Variants in LOC122539214 observed in about 807,000 individuals in gnomAD.
At chr19:52,660,046 C>T in the LOC122539214 span, among the ~76,000 whole-genome samples, 3 of 151,868 alleles carry the variant, frequency 2.0e-5, no homozygotes, top group East Asian at 1.9e-4. Context: ...AAAAAATTAG[C>T]GGGGTGTGGT....
the LOC122539214 span, chr19:52,650,643 A>T: frequency 2.0e-5 from 3 of 152,180 alleles, no homozygotes; most frequent in African/African-American, 7.2e-5. Flanking sequence ...TATTAGAAGA[A>T]CTTCAAGTTT....
chr19:52,676,111 C>T, the LOC122539214 span, among the ~76,000 whole-genome samples: 5 of 152,170 alleles, frequency 3.3e-5, no homozygotes, highest in Non-Finnish European at 7.3e-5. Context: ...CTGCTGAGTG[C>T]CTGCAATTGC....
At chr19:52,674,597 C>T in the LOC122539214 span, among the ~76,000 whole-genome samples, 1 of 152,002 alleles carries the variant, frequency 6.6e-6, no homozygotes, top group Non-Finnish European at 1.5e-5. Flanking sequence ...ATATTAGCAC[C>T]AAAATTAGTT....
At chr19:52,664,690 C>T in the LOC122539214 span, among the ~76,000 whole-genome samples, 1 of 133,150 alleles carries the variant, frequency 7.5e-6, no homozygotes, top group South Asian at 2.3e-4. Context: ...GGAAGGGATG[C>T]AGATTAAGTG....
the LOC122539214 span, among the ~76,000 whole-genome samples, chr19:52,674,872 C>A: frequency 6.6e-6 from 1 of 152,194 alleles, no homozygotes; most frequent in African/African-American, 2.4e-5. Flanking sequence ...AAATCCCTAT[C>A]AGTTTTTGTC....
the LOC122539214 span, among the ~76,000 whole-genome samples, chr19:52,669,505 C>G: frequency 1.3e-5 from 2 of 152,132 alleles, no homozygotes; most frequent in Admixed American, 6.5e-5. Flanking sequence ...AATGGGATAG[C>G]CTTTGACATG....
At chr19:52,660,279 G>A in the LOC122539214 span, among the ~76,000 whole-genome samples, 5 of 152,146 alleles carry the variant, frequency 3.3e-5, no homozygotes, top group African/African-American at 1.2e-4. Context: ...CCAAGAAGAA[G>A]CAATCAGTTT....
chr19:52,655,830 T>G, the LOC122539214 span: 228 of 503,260 alleles, frequency 4.5e-4, no homozygotes, highest in African/African-American at 4.4e-3. Flanking sequence ...AACATTTCTT[T>G]TTGTGCAGTT....
the LOC122539214 span, chr19:52,653,938 G>A: frequency 8.9e-7 from 1 of 1,127,244 alleles, no homozygotes; most frequent in Non-Finnish European, 1.3e-6. Context: ...CTGGATTTGT[G>A]TCAATAATGA....
chr19:52,686,081 G>C, the LOC122539214 span, among the ~76,000 whole-genome samples: 2 of 151,990 alleles, frequency 1.3e-5, no homozygotes, highest in Non-Finnish European at 2.9e-5. Flanking sequence ...CTGAAAAATA[G>C]ACTAACTGGT....
chr19:52,676,627 G>A, the LOC122539214 span, among the ~76,000 whole-genome samples: 289 of 149,302 alleles, frequency 1.9e-3, 6 homozygotes, highest in East Asian at 0.049. Context: ...TGGGAGGTGT[G>A]CCCAACAGCT....
chr19:52,657,113 C>T, the LOC122539214 span, among the ~76,000 whole-genome samples: 3 of 151,446 alleles, frequency 2.0e-5, no homozygotes, highest in East Asian at 5.9e-4. Flanking sequence ...GAGACCCTAT[C>T]ACCCCCACCC....
chr19:52,672,604 C>T, the LOC122539214 span, among the ~76,000 whole-genome samples: 1 of 152,034 alleles, frequency 6.6e-6, no homozygotes, highest in Non-Finnish European at 1.5e-5. Flanking sequence ...AATTAAGTTA[C>T]TTATTTATTT....
the LOC122539214 span, among the ~76,000 whole-genome samples, chr19:52,662,700 G>T: frequency 2.0e-5 from 3 of 152,228 alleles, no homozygotes; most frequent in African/African-American, 7.2e-5. Flanking sequence ...AGCTTTTCTT[G>T]TCTTATTCCT....
At chr19:52,654,159 C>G in the LOC122539214 span, 3 of 1,604,918 alleles carry the variant, frequency 1.9e-6, no homozygotes, top group South Asian at 1.1e-5. Context: ...TTCCAGCATG[C>G]CTTTGATCAC....
chr19:52,655,259 A>C, the LOC122539214 span: 1 of 304,856 alleles, frequency 3.3e-6, no homozygotes, highest in African/African-American at 2.2e-5. Flanking sequence ...TTTCTAGCTC[A>C]TCTCCTGGGC....
At chr19:52,653,262 A>T in the LOC122539214 span, 1 of 1,491,046 alleles carries the variant, frequency 6.7e-7, no homozygotes, top group Non-Finnish European at 9.3e-7. Flanking sequence ...GCCTATAATG[A>T]CATGCAAGGT....
chr19:52,676,154 TA>T, the LOC122539214 span, among the ~76,000 whole-genome samples: 1 of 152,304 alleles, frequency 6.6e-6, no homozygotes, highest in East Asian at 1.9e-4. Context: ...CTGGTTTTCG[TA>T]TTTTTTTGGT....
At chr19:52,655,453 T>C in the LOC122539214 span, 13 of 1,028,340 alleles carry the variant, frequency 1.3e-5, no homozygotes, top group South Asian at 4.3e-5. Context: ...CAATGACATG[T>C]ACATCAAAAG....
Sources: gnomAD v4.1 joint callset for allele counts (sites outside exome capture counted in the v4.1 genomes callset) on GRCh38, gnomAD v4.1.1 for gene constraint, MANE v1.5 for transcripts.